The following ZNF831 variants were observed in gnomAD, a reference collection of about 807,000 sequenced individuals.
ZNF831 encodes the protein chromosome 20 open reading frame 174.
In ZNF831, 59 loss-of-function variants were observed where a neutral mutation model predicts 95.8. That is an observed-to-expected ratio of 0.62 (90% confidence interval 0.50 to 0.77). The LOEUF is 0.77. ZNF831 is among the 30% of genes least tolerant of loss of function. The pLI, the probability that ZNF831 is intolerant of heterozygous loss-of-function variation, is 0.00. For synonymous variants in ZNF831, 961 were observed against 925.5 expected, an observed-to-expected ratio of 1.04 and a Z score of -0.70; for missense variants, 2,205 against 2,164.0, an observed-to-expected ratio of 1.02 and a Z score of -0.38.
chr20:59,248,666 A>G (rs949821763), intron 4 of ZNF831, among the ~76,000 whole-genome samples: 4 of 152,210 alleles, frequency 2.6e-5, no homozygotes, highest in Admixed American at 1.3e-4. Flanking sequence ...AATGAATTGC[A>G]TGGTTGTTTT....
At chr20:59,124,401 C>T (rs555155200) in intron 1 of ZNF831, among the ~76,000 whole-genome samples, 15 of 152,174 alleles carry the variant, frequency 9.9e-5, no homozygotes, top group Non-Finnish European at 1.9e-4. Flanking sequence ...TCCCTCAGTG[C>T]CACATAAGGT....
intron 3 of ZNF831, among the ~76,000 whole-genome samples, chr20:59,203,356 C>G (rs1984662110): frequency 6.6e-6 from 1 of 152,130 alleles, no homozygotes; most frequent in Non-Finnish European, 1.5e-5. Flanking sequence ...GCCCAGGCTG[C>G]AGGGCAGTGG....
chr20:59,129,094 G>A (rs1015421092), intron 1 of ZNF831, among the ~76,000 whole-genome samples: 22 of 152,202 alleles, frequency 1.4e-4, no homozygotes, highest in Admixed American at 1.2e-3. Context: ...CTCACAGGAA[G>A]TTACAAACGT....
chr20:59,237,877 C>T (rs1245653007), intron 4 of ZNF831, among the ~76,000 whole-genome samples: 2 of 152,170 alleles, frequency 1.3e-5, no homozygotes, highest in East Asian at 3.9e-4. Flanking sequence ...CGTCTAAGCT[C>T]GGCCAGCCCC....
chr20:59,210,825 G>A (rs550722296), intron 4 of ZNF831, among the ~76,000 whole-genome samples: 3 of 152,188 alleles, frequency 2.0e-5, no homozygotes, highest in East Asian at 1.9e-4. Flanking sequence ...GCAAACTGGG[G>A]GCACCAATGA....
At position 59,254,817 on chromosome 20, in the gene ZNF831, G is replaced by A. The variant is rs2146775284; in HGVS notation, c.*74G>A. On this transcript the variant is annotated 3_prime_UTR_variant, in exon 6 of 6. Transcript: ENST00000371030. The surrounding 1 kb of genome is among the most constrained non-coding windows in gnomAD (Gnocchi z 4.5). The stretch of plus-strand genomic sequence containing the variant: ...ACAAGTAAATGTTGTCAGGCTGGCG[G>A]AAGAACTAAACTCTATCTGTGAAAC... 2 of 1,525,686 alleles carry A rather than the reference G, an allele frequency of 1.3e-6. No individual in the cohort carries two copies. Among genetic ancestry groups the A allele is most frequent in the Non-Finnish European group, 1.8e-6 (2 of 1,140,426 alleles). The allele number at this position is 1,525,686 out of a possible 1,614,324, so 94.5% of individuals were successfully genotyped here.
intron 1 of ZNF831, among the ~76,000 whole-genome samples, chr20:59,139,072 G>A (rs564348405): frequency 5.3e-5 from 8 of 151,810 alleles, no homozygotes; most frequent in East Asian, 3.9e-4. Flanking sequence ...TATAAATAAC[G>A]TGACAATTTA....
At chr20:59,203,532 C>T (rs746285840) in intron 3 of ZNF831, among the ~76,000 whole-genome samples, 2 of 152,136 alleles carry the variant, frequency 1.3e-5, no homozygotes, top group Non-Finnish European at 2.9e-5. Context: ...AAGAAGAATA[C>T]GTGGCACAGA....
At chr20:59,234,735 A>C (rs1600667349) in intron 4 of ZNF831, among the ~76,000 whole-genome samples, 1 of 152,240 alleles carries the variant, frequency 6.6e-6, no homozygotes, top group East Asian at 1.9e-4. Flanking sequence ...TCCTTTGAAG[A>C]GCACCTAAGG....
At chr20:59,185,668 A>G (rs260013) in intron 1 of ZNF831, among the ~76,000 whole-genome samples, 34,762 of 152,016 alleles carry the variant, frequency 0.23, 5,521 homozygotes, top group African/African-American at 0.46. Context: ...GCCTGGACGC[A>G]CACTCCGGGC....
At chr20:59,195,291 A>G (rs1984000909) in intron 2 of ZNF831, among the ~76,000 whole-genome samples, 1 of 152,196 alleles carries the variant, frequency 6.6e-6, no homozygotes, top group Non-Finnish European at 1.5e-5. Flanking sequence ...AGAAATGATA[A>G]TGCAGAGCTC....
At chr20:59,136,348 G>A (rs1412121483) in intron 1 of ZNF831, among the ~76,000 whole-genome samples, 1 of 152,140 alleles carries the variant, frequency 6.6e-6, no homozygotes, top group Non-Finnish European at 1.5e-5. Context: ...ATCTTAAAGT[G>A]AGCTAATTTG....
chr20:59,192,045 CGACTCGGG>C lies in ZNF831; in HGVS notation c.1028_1035del (p.Asp343ValfsTer110). On this transcript the variant is annotated frameshift_variant, in exon 2 of 6. Coordinates refer to ENST00000371030, the MANE Select transcript of ZNF831 (RefSeq NM_178457.3). LOFTEE classifies it high-confidence loss of function. The surrounding 1 kb of genome is among the most constrained non-coding windows in gnomAD (Gnocchi z 5.2). ...GCCGGCTGCGGAAGTGTGAGAGCAC[CGACTCGGG>C]GTACCTGTCGCGCTCCGACAGCGCG... 6.2e-7 allele frequency: 1 copy of C among 1,608,530 alleles called. No individual in the cohort carries two copies. Among genetic ancestry groups the C allele is most frequent in the Non-Finnish European group, 8.5e-7 (1 of 1,179,226 alleles).
At position 59,258,745 on chromosome 20, in the gene ZNF831, C is replaced by T. The variant is rs551177363; in HGVS notation, c.*4002C>T. On this transcript the variant is annotated 3_prime_UTR_variant, in exon 6 of 6. Coordinates refer to ENST00000371030, the MANE Select transcript of ZNF831 (RefSeq NM_178457.3). ...ATTTATTGTCCTTATTTTTCAGAAC[C>T]CATTAAATATAAGGGTCAGAACCTA... The T allele has an allele frequency of 6.6e-6, 1 of 152,270 alleles. No individual in the cohort carries two copies. Among genetic ancestry groups the T allele is most frequent in the Non-Finnish European group, 1.5e-5 (1 of 68,030 alleles). The allele number at this position is 152,270 out of a possible 1,614,324, so 9.4% of individuals were successfully genotyped here.
At position 59,238,002 on chromosome 20, in the gene ZNF831, C is replaced by G. The variant is rs1003312581; in HGVS notation, c.4028-14976C>G. Among the ~76,000 whole-genome samples the G allele has an allele frequency of 2.6e-5, 4 of 152,110 alleles. No individual in the cohort carries two copies. The East Asian group carries it at 7.7e-4, about 29-fold the overall frequency. On this transcript the variant is annotated intron_variant, in intron 4 of 5. Coordinates refer to ENST00000371030, the MANE Select transcript of ZNF831 (RefSeq NM_178457.3). ...TAGCATAAGTATGTCCTGAACATTGCATAAGACATATTTATGCTAAAAATG... is the reference window on the plus strand; with the variant it reads ...TAGCATAAGTATGTCCTGAACATTGGATAAGACATATTTATGCTAAAAATG...
chr20:59,134,268 C>T (rs1308412835), intron 1 of ZNF831, among the ~76,000 whole-genome samples: 1 of 152,196 alleles, frequency 6.6e-6, no homozygotes. Context: ...CCAAAGCAGT[C>T]CCTCTATCCA....
At chr20:59,124,114 A>G (rs1979089280) in intron 1 of ZNF831, among the ~76,000 whole-genome samples, 1 of 152,074 alleles carries the variant, frequency 6.6e-6, no homozygotes, top group South Asian at 2.1e-4. Context: ...GTTGGTGGCA[A>G]TGTCAGGTGA....
intron 4 of ZNF831, among the ~76,000 whole-genome samples, chr20:59,240,577 G>A (rs936771180): frequency 4.6e-5 from 7 of 151,970 alleles, no homozygotes; most frequent in East Asian, 1.9e-4. Flanking sequence ...TGAGGCGGGC[G>A]GATCACGAGG....
intron 1 of ZNF831, among the ~76,000 whole-genome samples, chr20:59,187,602 TAAA>T (rs571104139): frequency 6.6e-6 from 1 of 150,682 alleles, no homozygotes; most frequent in Non-Finnish European, 1.5e-5. Context: ...GACAATACTT[TAAA>T]AAAAAAATTG....
Sources: gnomAD v4.1 joint callset for allele counts (sites outside exome capture counted in the v4.1 genomes callset) on GRCh38, gnomAD v4.1.1 for gene constraint, Gnocchi (gnomAD v3.1) non-coding constraint, MANE v1.5 for transcripts, NCBI Gene and HGNC (gene_info 2026-07-23, HGNC 2026-07-21) for gene names.